Variants in FBXL17 observed in about 807,000 individuals in gnomAD.
The protein encoded by FBXL17 is F-box/LRR-repeat protein 17.
Under a neutral mutation model 66.2 loss-of-function variants are expected in FBXL17, and 22 were observed. That is an observed-to-expected ratio of 0.33 (90% CI 0.24 to 0.47). The LOEUF is 0.47. Among genes scored for constraint, FBXL17 ranks in the 20% least tolerant of loss-of-function variants. The pLI is 1.00. For synonymous variants in FBXL17, 474 were observed against 400.5 expected, an observed-to-expected ratio of 1.18 and a Z score of -2.19; for missense variants, 878 against 948.2, an observed-to-expected ratio of 0.93 and a Z score of 0.97.
chr5:108,178,028 G>A (rs574346177), intron 6 of FBXL17, among the ~76,000 whole-genome samples: 11 of 150,950 alleles, frequency 7.3e-5, no homozygotes, highest in Admixed American at 3.3e-4. Flanking sequence ...GCATGGTTTC[G>A]TATCTTATTT....
At chr5:108,091,306 G>T (rs539636579) in intron 6 of FBXL17, among the ~76,000 whole-genome samples, 1 of 152,278 alleles carries the variant, frequency 6.6e-6, no homozygotes, top group Non-Finnish European at 1.5e-5. Flanking sequence ...CCACAGACCA[G>T]TCCCTTTGCT....
At chr5:108,133,685 G>A (rs1295719926) in intron 6 of FBXL17, among the ~76,000 whole-genome samples, 1 of 151,980 alleles carries the variant, frequency 6.6e-6, no homozygotes, top group African/African-American at 2.4e-5. Flanking sequence ...GGAAAGCAAA[G>A]AAAAGGAAGA....
chr5:107,918,466 T>C (rs951103055), intron 7 of FBXL17, among the ~76,000 whole-genome samples: 2 of 152,214 alleles, frequency 1.3e-5, no homozygotes, highest in Non-Finnish European at 2.9e-5. Context: ...AGCTTTTTCA[T>C]AGACAGAAAA....
At chr5:107,912,620 G>T (rs938370016) in intron 7 of FBXL17, among the ~76,000 whole-genome samples, 2 of 152,028 alleles carry the variant, frequency 1.3e-5, no homozygotes, top group African/African-American at 4.8e-5. Flanking sequence ...ATAAATTTTG[G>T]ATGGGTACAT....
At chr5:107,915,496 A>T (rs776496888) in intron 7 of FBXL17, among the ~76,000 whole-genome samples, 1 of 152,150 alleles carries the variant, frequency 6.6e-6, no homozygotes, top group Non-Finnish European at 1.5e-5. Context: ...AAAAATTTCC[A>T]CCAATAGTCT....
At chr5:108,366,750 A>G (rs185084209) in intron 2 of FBXL17, among the ~76,000 whole-genome samples, 2 of 152,218 alleles carry the variant, frequency 1.3e-5, no homozygotes, top group African/African-American at 4.8e-5. Flanking sequence ...CATGAACCCA[A>G]GCAAGTAAAT....
At chr5:108,176,201 C>T (rs1277690120) in intron 6 of FBXL17, among the ~76,000 whole-genome samples, 2 of 152,050 alleles carry the variant, frequency 1.3e-5, no homozygotes, top group South Asian at 2.1e-4. Context: ...CTTATAACGC[C>T]ATATTCATCA....
At chr5:108,301,891 A>G (rs1157489829) in intron 4 of FBXL17, 1 of 296,636 alleles carries the variant, frequency 3.4e-6, no homozygotes, top group Non-Finnish European at 5.0e-6. Flanking sequence ...TAACTCTGAT[A>G]ACAATGAAAT....
At chr5:107,964,255 G>A (rs1340092223) in intron 7 of FBXL17, among the ~76,000 whole-genome samples, 1 of 152,028 alleles carries the variant, frequency 6.6e-6, no homozygotes, top group Non-Finnish European at 1.5e-5. Flanking sequence ...TTCATGTGGT[G>A]AGCTGGCAGA....
chr5:108,201,506 C>T (rs1307050598), intron 5 of FBXL17, among the ~76,000 whole-genome samples: 2 of 151,926 alleles, frequency 1.3e-5, no homozygotes, highest in Non-Finnish European at 1.5e-5. Flanking sequence ...TTGCCTATAA[C>T]TATTAATGTT....
At chr5:108,278,334 G>T (rs1849012) in intron 4 of FBXL17, among the ~76,000 whole-genome samples, 28,067 of 152,120 alleles carry the variant, frequency 0.18, 2,644 homozygotes, top group South Asian at 0.33. Flanking sequence ...CTCAATCTTA[G>T]CTCTTAAAAG....
chr5:108,186,086 A>G, intron 6 of FBXL17, 31 bp downstream of exon 6: 2 of 1,556,618 alleles, frequency 1.3e-6, no homozygotes, highest in Non-Finnish European at 1.8e-6. Context: ...TTTCCTCTAG[A>G]AAAGTATTTT....
At chr5:108,009,827 T>C (rs1011898806) in intron 7 of FBXL17, among the ~76,000 whole-genome samples, 20 of 152,186 alleles carry the variant, frequency 1.3e-4, no homozygotes, top group African/African-American at 4.6e-4. Flanking sequence ...TGTCTGGTTC[T>C]TTGCCTCCAA....
At chr5:107,914,119 C>G (rs1273674425) in intron 7 of FBXL17, among the ~76,000 whole-genome samples, 2 of 151,812 alleles carry the variant, frequency 1.3e-5, no homozygotes, top group Non-Finnish European at 2.9e-5. Context: ...TGAAATGATT[C>G]CTATCAAATT....
intron 7 of FBXL17, among the ~76,000 whole-genome samples, chr5:108,015,922 AT>A (rs79581448): frequency 0.12 from 17,905 of 152,044 alleles, 1,348 homozygotes; most frequent in East Asian, 0.18. Flanking sequence ...AACAAGATGC[AT>A]TTTTTTTAAT....
intron 5 of FBXL17, among the ~76,000 whole-genome samples, chr5:108,214,199 A>G (rs186204470): frequency 3.0e-4 from 45 of 152,322 alleles, no homozygotes; most frequent in Non-Finnish European, 5.7e-4. Context: ...AATGGCTAAG[A>G]AAAATCATAG....
rs1031058974 is a variant in FBXL17, at chr5:107,942,782, A to G, written c.1823-61603T>C. 4.6e-5 allele frequency among the ~76,000 whole-genome samples: 7 copies of G among 152,134 alleles called. 1 individual carries two copies. The highest frequency in any genetic ancestry group is 3.9e-4 in the Admixed American group (6 of 15,280). The stretch of plus-strand genomic sequence containing the variant: ...ATTATCTCCCTTCTTGAAAAGAAAA[A>G]AAAAAAAAAACCTATCTGATTTCTT... On this transcript the variant is annotated intron_variant, in intron 7 of 8. Coordinates refer to ENST00000542267, the MANE Select transcript of FBXL17 (RefSeq NM_001163315.3).
intron 6 of FBXL17, among the ~76,000 whole-genome samples, chr5:108,112,169 G>A (rs1274239775): frequency 6.6e-6 from 1 of 152,228 alleles, no homozygotes; most frequent in African/African-American, 2.4e-5. Flanking sequence ...GGGCAAGTGA[G>A]CAAGCTCTGG....
At chr5:108,213,773 T>C (rs189452198) in intron 5 of FBXL17, among the ~76,000 whole-genome samples, 1 of 152,328 alleles carries the variant, frequency 6.6e-6, no homozygotes, top group Admixed American at 6.5e-5. Context: ...TTTTTAACAT[T>C]AGCCAATCTA....
Sources: gnomAD v4.1 joint callset for allele counts (sites outside exome capture counted in the v4.1 genomes callset) on GRCh38, gnomAD v4.1.1 for gene constraint, MANE v1.5 for transcripts, NCBI Gene and HGNC (gene_info 2026-07-23, HGNC 2026-07-21) for gene names.